ABAT: variants seen among roughly 807,000 people sequenced by gnomAD.
ABAT encodes the protein 4-aminobutyrate aminotransferase, mitochondrial.
Under a neutral mutation model 64.6 loss-of-function variants are expected in ABAT, and 45 were observed. That is an observed-to-expected ratio of 0.70 (90% confidence interval 0.55 to 0.89). The LOEUF (loss-of-function observed/expected upper bound fraction) is 0.89, where lower values mean the gene tolerates loss of function less well. ABAT is among the 40% of genes least tolerant of loss of function. ABAT has a pLI of 0.00. For missense variants in ABAT, 633 were observed against 658.4 expected (o/e 0.96, Z 0.42); for synonymous variants, 297 against 250.5 (o/e 1.19, Z -1.75).
chr16:8,754,593 C>A (rs1414054566), intron 5 of ABAT, among the ~76,000 whole-genome samples: 2 of 152,100 alleles, frequency 1.3e-5, no homozygotes, highest in Non-Finnish European at 2.9e-5. Flanking sequence ...CATCTTGGTC[C>A]CAACAGATTT....
At chr16:8,698,909 G>A (rs576501713) in intron 1 of ABAT, among the ~76,000 whole-genome samples, 1 of 152,178 alleles carries the variant, frequency 6.6e-6, no homozygotes, top group Non-Finnish European at 1.5e-5. Flanking sequence ...TTGCGCCACT[G>A]CACTCCAGCC....
rs550860190 is a variant in ABAT at position 8,750,920 on chromosome 16, G to GGT, written c.316+383_316+384dup. On this transcript the variant is annotated intron_variant, in intron 5 of 15. Transcript: ENST00000268251. The stretch of plus-strand genomic sequence containing the variant: ...TGAGTTTCCTCGAAGAAGAGCCTGA[G>GGT]GTGGGGATTTCCTTTTTCCCTGCTT... 5.6e-4 allele frequency among the ~76,000 whole-genome samples: 85 copies of GGT among 151,366 alleles called. No individual in the cohort carries two copies. The East Asian group carries it at 0.014, about 26-fold the overall frequency.
chr16:8,739,898 T>C (rs1223262230), intron 2 of ABAT, among the ~76,000 whole-genome samples: 1 of 151,714 alleles, frequency 6.6e-6, no homozygotes, highest in Admixed American at 6.6e-5. Context: ...TCTTCTCTTT[T>C]GACTTATTGA....
intron 1 of ABAT, among the ~76,000 whole-genome samples, chr16:8,698,664 G>T (rs766878125): frequency 6.6e-6 from 1 of 152,154 alleles, no homozygotes. Flanking sequence ...GCTGCAATTG[G>T]CAGGGCACGG....
chr16:8,722,380 G>A (rs1194843962), intron 1 of ABAT, among the ~76,000 whole-genome samples: 6 of 152,190 alleles, frequency 3.9e-5, no homozygotes, highest in Non-Finnish European at 5.9e-5. Context: ...CCTGGCCTCA[G>A]CTGATCCATC....
At chr16:8,738,013 A>AAAGAAAGAAAGAAAGAAAGGAAGG (rs1268824206) in intron 2 of ABAT, among the ~76,000 whole-genome samples, 3 of 111,916 alleles carry the variant, frequency 2.7e-5, no homozygotes, top group Admixed American at 8.8e-5. Context: ...AGAAAGAAAG[A>AAAGAAAGAAAGAAAGAAAGGAAGG]AAGGAAAGAA....
intron 2 of ABAT, among the ~76,000 whole-genome samples, chr16:8,744,878 T>C (rs2059285375): frequency 6.6e-6 from 1 of 152,136 alleles, no homozygotes; most frequent in Non-Finnish European, 1.5e-5. Context: ...ATATTTAAGA[T>C]GTCAACCTCA....
chr16:8,681,010 C>A (rs2057321150), intron 1 of ABAT, among the ~76,000 whole-genome samples: 1 of 150,598 alleles, frequency 6.6e-6, no homozygotes, highest in Non-Finnish European at 1.5e-5. Context: ...CAGAGTCTCA[C>A]CCTGTCTGTC....
rs547083882 is a variant in ABAT at position 8,702,489 on chromosome 16, G to A, written c.-42+27778G>A. Among the ~76,000 whole-genome samples, 5 of 152,250 alleles carry A rather than the reference G, an allele frequency of 3.3e-5. No individual in the cohort carries two copies. In the South Asian group the frequency reaches 1.0e-3, roughly 32 times the overall value. The stretch of plus-strand genomic sequence containing the variant: ...GCTGGTCTCGAACTCCTGACCTCAA[G>A]TAATCCTCCCGCCTCGGCCTCCCAA... On this transcript the variant is annotated intron_variant, in intron 1 of 15. Transcript: ENST00000268251.
chr16:8,766,884 G>A (rs969994284), intron 9 of ABAT, among the ~76,000 whole-genome samples: 5 of 151,514 alleles, frequency 3.3e-5, no homozygotes, highest in Admixed American at 6.6e-5. Flanking sequence ...CAGGAGAATC[G>A]CTTGAACCCG....
chr16:8,694,795 G>A (rs79766064), intron 1 of ABAT, among the ~76,000 whole-genome samples: 3,647 of 152,328 alleles, frequency 0.024, 146 homozygotes, highest in African/African-American at 0.083. Flanking sequence ...TCCCAAGGCT[G>A]AGACATCCCT....
chr16:8,685,711 G>A (rs553067729), intron 1 of ABAT, among the ~76,000 whole-genome samples: 33 of 151,720 alleles, frequency 2.2e-4, no homozygotes, highest in Non-Finnish European at 3.8e-4. Flanking sequence ...CAGCAACATC[G>A]AAAAAACAAA....
chr16:8,710,723 A>AAAGAGG (rs1555485675), intron 1 of ABAT, among the ~76,000 whole-genome samples: 1 of 64,808 alleles, frequency 1.5e-5, no homozygotes, highest in South Asian at 8.2e-4. Flanking sequence ...AGAGAGAGAG[A>AAAGAGG]GAGAGAGGAA....
chr16:8,782,881 G>T lies in ABAT; in HGVS notation c.*1451G>T, dbSNP rs1256077957. The T allele has an allele frequency of 6.6e-6, 1 of 152,114 alleles. No homozygotes were observed. Among genetic ancestry groups the T allele is most frequent in the Non-Finnish European group, 1.5e-5 (1 of 68,034 alleles). 9.4% of individuals were successfully genotyped at this position (152,114 alleles called of 1,614,324 possible). ...TGGAAATAGGCATATCAAGGTTCCT[G>T]ATTCAGCACTTTGCTCTTTTAATAA... On this transcript the variant is annotated 3_prime_UTR_variant, in exon 16 of 16. Transcript: ENST00000268251.
chr16:8,708,516 G>A (rs979452170), intron 1 of ABAT, among the ~76,000 whole-genome samples: 3 of 152,134 alleles, frequency 2.0e-5, no homozygotes, highest in Non-Finnish European at 4.4e-5. Context: ...GCCCAGGCTG[G>A]TCTTGAACTC....
rs529443500 is a variant in ABAT, at chr16:8,676,130, G to A, written c.-42+1419G>A. Among the ~76,000 whole-genome samples the A allele has an allele frequency of 6.6e-5, 10 of 152,296 alleles. No homozygotes were observed. In the South Asian group the frequency reaches 1.9e-3, roughly 28 times the overall value. ...AGTGAGTTGTGTCTTGCTCTTTGGAGCCTGTGTTGCGGCGTGGAGTCATAG... is the reference window on the plus strand; with the variant it reads ...AGTGAGTTGTGTCTTGCTCTTTGGAACCTGTGTTGCGGCGTGGAGTCATAG... On this transcript the variant is annotated intron_variant, in intron 1 of 15. Transcript: ENST00000268251.
chr16:8,722,611 T>TG (rs2058404429), intron 1 of ABAT, among the ~76,000 whole-genome samples: 1 of 151,936 alleles, frequency 6.6e-6, no homozygotes, highest in Non-Finnish European at 1.5e-5. Flanking sequence ...TGGGGGAGAT[T>TG]GGGGGTCTCA....
At chr16:8,772,126 CA>C (rs1268755479) in intron 11 of ABAT, among the ~76,000 whole-genome samples, 1 of 152,080 alleles carries the variant, frequency 6.6e-6, no homozygotes, top group East Asian at 1.9e-4. Context: ...ATTCTCACAC[CA>C]ATCATAGCAA....
intron 2 of ABAT, among the ~76,000 whole-genome samples, chr16:8,743,981 A>G (rs2059257765): frequency 1.3e-5 from 2 of 152,094 alleles, no homozygotes; most frequent in South Asian, 4.1e-4. Context: ...AGGGATCAGC[A>G]AGGCTTGGGC....
Sources: gnomAD v4.1 joint callset for allele counts (sites outside exome capture counted in the v4.1 genomes callset) on GRCh38, gnomAD v4.1.1 for gene constraint, MANE v1.5 for transcripts, NCBI Gene and HGNC (gene_info 2026-07-23, HGNC 2026-07-21) for gene names.